S100A11: variants seen among roughly 807,000 people sequenced by gnomAD.
The protein encoded by S100A11 is protein S100-A11.
Under a neutral mutation model 7.4 loss-of-function variants are expected in S100A11, and 5 were observed. The observed-to-expected ratio is 0.68, with a 90% CI of 0.35 to 1.42. The LOEUF (loss-of-function observed/expected upper bound fraction) is 1.42. Ranked by LOEUF, S100A11 falls within the 40% of genes most tolerant of loss-of-function variation. The pLI, the probability that S100A11 is intolerant of heterozygous loss-of-function variation, is 0.04. For synonymous variants in S100A11, 47 were observed against 46.6 expected, an observed-to-expected ratio of 1.01 and a Z score of -0.04; for missense variants, 96 against 125.0, an observed-to-expected ratio of 0.77 and a Z score of 1.11.
At chr1:152,036,180 G>C (rs1372990396) in intron 1 of S100A11, among the ~76,000 whole-genome samples, 1 of 152,130 alleles carries the variant, frequency 6.6e-6, no homozygotes, top group East Asian at 1.9e-4. Context: ...TCTCCACTAA[G>C]GAGAGGTAAA....
In S100A11 at chr1:152,033,604, T is replaced by C; in HGVS notation, c.156+44A>G. ...GCCATTCTGCCAGGGTCTTGTTTCA[T>C]GTTGTGGGTAGTTTGGGGAAGTGGG... On this transcript the variant is annotated intron_variant, in intron 2 of 2. Coordinates refer to ENST00000271638, the MANE Select transcript of S100A11 (RefSeq NM_005620.2). The surrounding 1 kb of genome is among the most constrained non-coding windows in gnomAD (Gnocchi z 4.0). 6.3e-7 allele frequency: 1 copy of C among 1,585,646 alleles called. No individual in the cohort carries two copies. Among genetic ancestry groups the C allele is most frequent in the East Asian group, 2.2e-5 (1 of 44,570 alleles).
At chr1:152,036,774 C>A in intron 1 of S100A11, 139 bp downstream of exon 1, 2 of 770,620 alleles carry the variant, frequency 2.6e-6, no homozygotes, top group Non-Finnish European at 4.3e-6. Flanking sequence ...CAGTTCCCTC[C>A]CACGAGGCTG....
In S100A11 at chr1:152,033,887, G is replaced by T; in HGVS notation, c.4-87C>A. 2 of 1,200,556 alleles carry T rather than the reference G, an allele frequency of 1.7e-6. No homozygotes were observed. The highest frequency in any genetic ancestry group is 2.4e-6 in the Non-Finnish European group (2 of 822,056). The allele number at this position is 1,200,556 out of a possible 1,614,324, so 74.4% of individuals were successfully genotyped here. A position where few individuals can be genotyped will look rare whatever the true frequency, so the allele number is the denominator to read the frequency against. ...AAAACTCCAGGGACTCTTATTTCAG[G>T]TCAAAGCAGTTTCCTAAAAGACTGA... On this transcript the variant is annotated intron_variant, in intron 1 of 2. Coordinates refer to ENST00000271638, the MANE Select transcript of S100A11 (RefSeq NM_005620.2). This position sits in a 1 kb window ranked among gnomAD's most constrained non-coding sequence, Gnocchi z 4.0.
intron 1 of S100A11, among the ~76,000 whole-genome samples, chr1:152,036,622 C>T (rs541978637): frequency 2.0e-5 from 3 of 152,072 alleles, no homozygotes; most frequent in Non-Finnish European, 4.4e-5. Flanking sequence ...GGGTCCCCCC[C>T]CCGCGCGGTG....
In S100A11 at chr1:152,032,825, T is replaced by C. The variant is rs1656766873; in HGVS notation, c.157-2A>G. 6.2e-7 allele frequency: 1 copy of C among 1,603,212 alleles called. No homozygotes were observed. The highest frequency in any genetic ancestry group is 1.4e-5 in the African/African-American group (1 of 73,496). On this transcript the variant is annotated splice_acceptor_variant, in intron 2 of 2. Transcript: ENST00000271638. LOFTEE classifies it high-confidence loss of function. Reference sequence around the variant, plus strand: ...AAGGACACCAGGGTCCTTCTGGTTCTGCAGAGAAAATAATAATTACACCTT... The same window carrying C: ...AAGGACACCAGGGTCCTTCTGGTTCCGCAGAGAAAATAATAATTACACCTT...
Position 152,033,600 on chromosome 1 carries a change from TTCA to T in S100A11, c.156+45_156+47del. ...CCTGGCCATTCTGCCAGGGTCTTGT[TTCA>T]TGTTGTGGGTAGTTTGGGGAAGTGG... On this transcript the variant is annotated intron_variant, in intron 2 of 2. Transcript: ENST00000271638. This position sits in a 1 kb window ranked among gnomAD's most constrained non-coding sequence, Gnocchi z 4.0. 6.3e-7 allele frequency: 1 copy of T among 1,587,978 alleles called. No homozygotes were observed. Among genetic ancestry groups the T allele is most frequent in the Non-Finnish European group, 8.6e-7 (1 of 1,158,872 alleles).
Position 152,032,716 on chromosome 1 carries a change from A to T in S100A11, c.264T>A (p.Ala88=). ...TGAGGAAGGAGTCATGGCAAGCCATAGCTAGGCCACCAATCAGATTAAGAA... is the reference window on the plus strand; with the variant it reads ...TGAGGAAGGAGTCATGGCAAGCCATTGCTAGGCCACCAATCAGATTAAGAA... ...SEFLNLIGGL[A]MACHDSFLKA... Residue 88 remains alanine (A), a synonymous_variant, in exon 3 of 3, where the codon GCT becomes GCA. Coordinates refer to ENST00000271638, the MANE Select transcript of S100A11 (RefSeq NM_005620.2). 2 of 1,614,058 alleles carry T rather than the reference A, an allele frequency of 1.2e-6. No homozygotes were observed. Among genetic ancestry groups the T allele is most frequent in the Non-Finnish European group, 1.7e-6 (2 of 1,179,896 alleles).
intron 1 of S100A11, among the ~76,000 whole-genome samples, chr1:152,034,615 T>G (rs1167612547): frequency 6.6e-6 from 1 of 152,244 alleles, no homozygotes; most frequent in Non-Finnish European, 1.5e-5. Flanking sequence ...AATCCTGTAC[T>G]GGGCTCTTTC....
At position 152,032,827 on chromosome 1, in the gene S100A11, C is replaced by G. The variant is rs878973718; in HGVS notation, c.157-4G>C. 3 of 1,601,264 alleles carry G rather than the reference C, an allele frequency of 1.9e-6. No homozygotes were observed. The South Asian group carries it at 3.3e-5, about 18-fold the overall frequency. On this transcript the variant is annotated splice_region_variant and splice_polypyrimidine_tract_variant and intron_variant, in intron 2 of 2. Transcript: ENST00000271638. ...GGACACCAGGGTCCTTCTGGTTCTGCAGAGAAAATAATAATTACACCTTTA... is the reference window on the plus strand; with the variant it reads ...GGACACCAGGGTCCTTCTGGTTCTGGAGAGAAAATAATAATTACACCTTTA...
intron 1 of S100A11, among the ~76,000 whole-genome samples, chr1:152,035,051 C>A (rs1442286079): frequency 6.6e-6 from 1 of 152,190 alleles, no homozygotes; most frequent in African/African-American, 2.4e-5. Context: ...AGCGTTAGAA[C>A]CCCTGAACCC....
chr1:152,034,593 G>T (rs1299265921), intron 1 of S100A11, among the ~76,000 whole-genome samples: 1 of 152,228 alleles, frequency 6.6e-6, no homozygotes, highest in East Asian at 1.9e-4. Flanking sequence ...CATCTACAAT[G>T]TAAGAGATTT....
chr1:152,035,050 A>G (rs767253710), intron 1 of S100A11, among the ~76,000 whole-genome samples: 2 of 152,146 alleles, frequency 1.3e-5, no homozygotes, highest in Non-Finnish European at 2.9e-5. Context: ...CAGCGTTAGA[A>G]CCCCTGAACC....
At chr1:152,035,770 A>G (rs181323244) in intron 1 of S100A11, among the ~76,000 whole-genome samples, 2 of 152,380 alleles carry the variant, frequency 1.3e-5, no homozygotes, top group Admixed American at 1.3e-4. Flanking sequence ...GGATGGCGAT[A>G]GCAAGGAGCA....
intron 1 of S100A11, among the ~76,000 whole-genome samples, chr1:152,036,549 T>C (rs539432662): frequency 6.6e-6 from 1 of 152,228 alleles, no homozygotes; most frequent in Non-Finnish European, 1.5e-5. Flanking sequence ...TTAAACTTGC[T>C]CCTAGGCGTC....
In S100A11 at chr1:152,033,394, C is replaced by T. The variant is rs1272726235; in HGVS notation, c.156+254G>A. Among the ~76,000 whole-genome samples, 1 of 152,240 alleles carries T rather than the reference C, an allele frequency of 6.6e-6. No homozygotes were observed. Among genetic ancestry groups the T allele is most frequent in the Non-Finnish European group, 1.5e-5 (1 of 68,046 alleles). On this transcript the variant is annotated intron_variant, in intron 2 of 2. Coordinates refer to ENST00000271638, the MANE Select transcript of S100A11 (RefSeq NM_005620.2). This position sits in a 1 kb window ranked among gnomAD's most constrained non-coding sequence, Gnocchi z 4.0. Reference sequence around the variant, plus strand: ...GATATAGAATGTATTTCCACCACTGCAGAAAGTTCTACTGGACAGGGCTGC... The same window carrying T: ...GATATAGAATGTATTTCCACCACTGTAGAAAGTTCTACTGGACAGGGCTGC...
chr1:152,036,182 A>T (rs1222452922), intron 1 of S100A11, among the ~76,000 whole-genome samples: 3 of 152,138 alleles, frequency 2.0e-5, no homozygotes. Flanking sequence ...TCCACTAAGG[A>T]GAGGTAAAGA....
Position 152,032,735 on chromosome 1 carries a change from T to C in S100A11, c.245A>G (p.Asn82Ser), listed in dbSNP as rs1656763995. The C allele has an allele frequency of 6.2e-7, 1 of 1,613,880 alleles. No individual in the cohort carries two copies. The highest frequency in any genetic ancestry group is 1.3e-5 in the African/African-American group (1 of 75,046). Residue 82 changes from asparagine (N) to serine (S), a missense_variant, in exon 3 of 3, where the codon AAT (asparagine) becomes AGT (serine). By Grantham distance (46) the Asn-to-Ser change is conservative (BLOSUM62 1). Coordinates refer to ENST00000271638, the MANE Select transcript of S100A11 (RefSeq NM_005620.2). ...DGQLDFSEFL[N>S]LIGGLAMACH... ...AGCCATAGCTAGGCCACCAATCAGATTAAGAAATTCTGAGAAATCTAGCTG... is the reference window on the plus strand; with the variant it reads ...AGCCATAGCTAGGCCACCAATCAGACTAAGAAATTCTGAGAAATCTAGCTG...
At chr1:152,036,802 C>T (rs1260260676) in intron 1 of S100A11, 111 bp downstream of exon 1, 4 of 972,062 alleles carry the variant, frequency 4.1e-6, no homozygotes, top group African/African-American at 1.6e-5. Context: ...CTGCTGTTTC[C>T]TGCCACGTCC....
rs1250594196 is a variant in S100A11, at chr1:152,033,364, G to C, written c.156+284C>G. On this transcript the variant is annotated intron_variant, in intron 2 of 2. Transcript: ENST00000271638. This position sits in a 1 kb window ranked among gnomAD's most constrained non-coding sequence, Gnocchi z 4.0. Reference sequence around the variant, plus strand: ...TGGCTGGTGGCTACCATGTTGGATAGAGCAGATATAGAATGTATTTCCACC... The same window carrying C: ...TGGCTGGTGGCTACCATGTTGGATACAGCAGATATAGAATGTATTTCCACC... 6.6e-6 allele frequency among the ~76,000 whole-genome samples: 1 copy of C among 152,250 alleles called. No homozygotes were observed. Among genetic ancestry groups the C allele is most frequent in the Non-Finnish European group, 1.5e-5 (1 of 68,048 alleles).
Sources: allele counts gnomAD v4.1 joint callset (sites outside exome capture counted in the v4.1 genomes callset), GRCh38; gene constraint gnomAD v4.1.1; non-coding constraint Gnocchi (gnomAD v3.1); transcripts MANE v1.5; gene names NCBI Gene and HGNC (gene_info 2026-07-23, HGNC 2026-07-21).